Variants in LRRFIP1 observed in about 807,000 individuals in gnomAD.
LRRFIP1 encodes leucine-rich repeat flightless-interacting protein 1.
A neutral mutation model predicts 104.4 loss-of-function variants in LRRFIP1; 62 were observed. The observed-to-expected ratio is 0.59, with a 90% CI of 0.48 to 0.73. The LOEUF (loss-of-function observed/expected upper bound fraction) is 0.73. LRRFIP1 is among the 30% of genes least tolerant of loss of function. The pLI, the probability that LRRFIP1 is intolerant of heterozygous loss-of-function variation, is 0.00. For missense variants in LRRFIP1, 796 were observed against 824.5 expected, an observed-to-expected ratio of 0.97 and a Z score of 0.42; for synonymous variants, 300 against 299.0, an observed-to-expected ratio of 1.00 and a Z score of -0.03.
In LRRFIP1 at chr2:237,730,250, C is replaced by A. The variant is rs142254203; in HGVS notation, c.444+2315C>A. ...GGTGGTTTCTTGGGCATGGACTAGA[C>A]TTGGAAGGAAAATCCAGAGTCTCAT... On this transcript the variant is annotated intron_variant, in intron 8 of 23. Transcript: ENST00000308482. 4.2e-3 allele frequency among the ~76,000 whole-genome samples: 647 copies of A among 152,310 alleles called. 8 individuals are homozygous for A. Among genetic ancestry groups the A allele is most frequent in the African/African-American group, 0.015 (633 of 41,572 alleles).
intron 1 of LRRFIP1, among the ~76,000 whole-genome samples, chr2:237,693,075 G>A (rs896773987): frequency 5.3e-5 from 8 of 152,226 alleles, no homozygotes; most frequent in African/African-American, 1.9e-4. Context: ...GGATTTTGCC[G>A]TTGTCCAGCT....
intron 1 of LRRFIP1, among the ~76,000 whole-genome samples, chr2:237,707,468 AAAAAAAAGGAAG>A (rs2093871314): frequency 6.6e-6 from 1 of 151,904 alleles, no homozygotes; most frequent in African/African-American, 2.4e-5. Context: ...AAAGAAAAAA[AAAAAAAAGGAAG>A]AAAAAAAGGA....
At chr2:237,695,621 C>T (rs1310742177) in intron 1 of LRRFIP1, among the ~76,000 whole-genome samples, 1 of 152,194 alleles carries the variant, frequency 6.6e-6, no homozygotes, top group East Asian at 1.9e-4. Flanking sequence ...GCCCCAGAGG[C>T]CATAATGTTT....
chr2:237,732,198 G>A (rs527905847), intron 8 of LRRFIP1, among the ~76,000 whole-genome samples: 15 of 152,098 alleles, frequency 9.9e-5, no homozygotes, highest in Admixed American at 3.9e-4. Context: ...TCCCTCCCCC[G>A]TGAGTGCATG....
At chr2:237,697,626 G>A (rs918508375) in intron 1 of LRRFIP1, among the ~76,000 whole-genome samples, 84 of 152,314 alleles carry the variant, frequency 5.5e-4, no homozygotes, top group Admixed American at 4.9e-3. Context: ...CTGCCCTGGT[G>A]CTGGTGGAGC....
rs186796102 is a variant in LRRFIP1, at chr2:237,701,518, T to G, written c.97-7026T>G. ...GTCCTGGTCAATAACTTCTTCTCTC[T>G]CTGGTTCTCCTTGGCCTGAGCCCCC... On this transcript the variant is annotated intron_variant, in intron 1 of 23. Coordinates refer to ENST00000308482, the MANE Select transcript of LRRFIP1 (RefSeq NM_001137550.2). Among the ~76,000 whole-genome samples, 83 of 152,360 alleles carry G rather than the reference T, an allele frequency of 5.4e-4. 1 individual carries two copies. The highest frequency in any genetic ancestry group is 1.9e-3 in the African/African-American group (80 of 41,586).
rs2092788996 is a variant in LRRFIP1 at position 237,691,879 on chromosome 2, C to G, written c.97-16665C>G. On this transcript the variant is annotated intron_variant, in intron 1 of 23. Transcript: ENST00000308482. The surrounding 1 kb of genome is among the most constrained non-coding windows in gnomAD (Gnocchi z 5.4). ...CAGCCCGGGAGGGGCGGGGCAGGAC[C>G]AGGAAGATCCTTCCGAGACGGAGCG... Among the ~76,000 whole-genome samples the G allele has an allele frequency of 6.7e-6, 1 of 150,092 alleles. No homozygotes were observed. Among genetic ancestry groups the G allele is most frequent in the African/African-American group, 2.5e-5 (1 of 40,730 alleles).
intron 19 of LRRFIP1, chr2:237,764,463 A>G (rs1042579518): frequency 1.3e-5 from 15 of 1,189,620 alleles, no homozygotes; most frequent in Non-Finnish European, 1.6e-5. Context: ...TTAGGCTGAT[A>G]GGAATGTGGG....
intron 1 of LRRFIP1, among the ~76,000 whole-genome samples, chr2:237,653,089 A>T (rs892692148): frequency 2.6e-5 from 4 of 152,094 alleles, no homozygotes; most frequent in African/African-American, 9.7e-5. Flanking sequence ...CATGATTGTA[A>T]GTTTCCTGAG....
chr2:237,764,055 C>T (rs775445758), intron 19 of LRRFIP1: 1 of 1,614,184 alleles, frequency 6.2e-7, no homozygotes. Context: ...GGAAGAGAGC[C>T]AGGGCACTTC....
chr2:237,640,705 C>G (rs2083819649), intron 1 of LRRFIP1, among the ~76,000 whole-genome samples: 1 of 152,226 alleles, frequency 6.6e-6, no homozygotes. Flanking sequence ...TGTTCGGAAT[C>G]CCTGCTGCCT....
chr2:237,692,427 G>A (rs2092866517), intron 1 of LRRFIP1: 23 of 1,490,626 alleles, frequency 1.5e-5, no homozygotes, highest in Non-Finnish European at 2.0e-5. Flanking sequence ...AGCATTTCCC[G>A]CCGGGTGGAG....
chr2:237,719,940 CTTTTTTTTT>C (rs57355213), intron 5 of LRRFIP1, among the ~76,000 whole-genome samples: 4 of 103,974 alleles, frequency 3.8e-5, no homozygotes, highest in Admixed American at 1.1e-4. Flanking sequence ...GATGAAATTA[CTTTTTTTTT>C]TTTTTTTTTT....
chr2:237,760,148 A>G lies in LRRFIP1; in HGVS notation c.1402A>G (p.Thr468Ala), dbSNP rs2059705911. ...CAATAATGTTGGATACCAAGGTCCT[A>G]CCAAGATGACAAAAGAAGAGTTAAA... ...TLNNVGYQGP[T>A]KMTKEELNAL... The change falls in exon 19 of 24, where the codon ACC becomes GCC. Residue 468 changes from threonine to alanine, a missense_variant. By Grantham distance (58) the Thr-to-Ala change is moderately conservative (BLOSUM62 0). Coordinates refer to ENST00000308482, the MANE Select transcript of LRRFIP1 (RefSeq NM_001137550.2). 3 of 1,614,074 alleles carry G rather than the reference A, an allele frequency of 1.9e-6. No homozygotes were observed. The highest frequency in any genetic ancestry group is 2.5e-6 in the Non-Finnish European group (3 of 1,179,944).
At chr2:237,747,867 A>C (rs1484005456) in intron 11 of LRRFIP1, among the ~76,000 whole-genome samples, 6 of 152,168 alleles carry the variant, frequency 3.9e-5, no homozygotes, top group Non-Finnish European at 8.8e-5. Context: ...GCAGCACTCC[A>C]GGTAGTTAAT....
chr2:237,757,368 A>G (rs1183655706), intron 16 of LRRFIP1, 88 bp from the exon 17 acceptor site: 3 of 796,734 alleles, frequency 3.8e-6, no homozygotes, highest in Non-Finnish European at 6.2e-6. Context: ...GGCCTCACTC[A>G]CTGTCCCAGC....
chr2:237,739,489 T>C (rs765928572), intron 11 of LRRFIP1, among the ~76,000 whole-genome samples, 180 bp downstream of exon 11: 36 of 152,216 alleles, frequency 2.4e-4, no homozygotes, highest in Non-Finnish European at 4.7e-4. Flanking sequence ...GAGATGGGGA[T>C]CTTAGAGGAG....
intron 1 of LRRFIP1, among the ~76,000 whole-genome samples, chr2:237,668,731 C>T (rs749130545): frequency 2.6e-5 from 4 of 152,156 alleles, no homozygotes; most frequent in Admixed American, 6.5e-5. Flanking sequence ...GTTTAGCTTA[C>T]AAGAAGTCTT....
At chr2:237,700,380 G>A (rs1221931444) in intron 1 of LRRFIP1, among the ~76,000 whole-genome samples, 13 of 152,146 alleles carry the variant, frequency 8.5e-5, no homozygotes, top group Admixed American at 8.5e-4. Context: ...GGCTTCGGCT[G>A]CATCATATTC....
Sources: allele counts gnomAD v4.1 joint callset (sites outside exome capture counted in the v4.1 genomes callset), GRCh38; gene constraint gnomAD v4.1.1; non-coding constraint Gnocchi (gnomAD v3.1); transcripts MANE v1.5; gene names NCBI Gene and HGNC (gene_info 2026-07-23, HGNC 2026-07-21).